The following TMEM144 variants were observed in gnomAD, a reference collection of about 807,000 sequenced individuals.
TMEM144 encodes transmembrane protein 144.
A neutral mutation model predicts 43.6 loss-of-function variants in TMEM144; 39 were observed. The ratio of observed to expected loss-of-function variants is 0.90; its 90% CI spans 0.69 to 1.17. The LOEUF (loss-of-function observed/expected upper bound fraction) is 1.17, where lower values mean the gene tolerates loss of function less well. TMEM144 is among the 50% of genes most tolerant of loss of function. The probability of loss-of-function intolerance (pLI) is 0.00; values close to 1 mark genes in which losing one functional copy is unlikely to be tolerated. For synonymous variants in TMEM144, 154 were observed against 133.6 expected (o/e 1.15, Z -1.06); for missense variants, 417 against 411.9 (o/e 1.01, Z -0.11).
At chr4:158,252,774 C>G (rs1165550434) in intron 12 of TMEM144, among the ~76,000 whole-genome samples, 1 of 148,770 alleles carries the variant, frequency 6.7e-6, no homozygotes, top group Non-Finnish European at 1.5e-5. Context: ...CGCCACTGAA[C>G]TCCAGCCTAG....
intron 6 of TMEM144, among the ~76,000 whole-genome samples, chr4:158,229,960 T>TC (rs553796136): frequency 0.82 from 124,751 of 152,138 alleles, 51,796 homozygotes; most frequent in East Asian, 0.95. Context: ...TGCTGCCCCT[T>TC]CCCCAAGGAG....
chr4:158,226,946 T>C (rs1176063223), intron 6 of TMEM144, among the ~76,000 whole-genome samples: 1 of 152,194 alleles, frequency 6.6e-6, no homozygotes, highest in Non-Finnish European at 1.5e-5. Flanking sequence ...ACTTCTTTTA[T>C]GTCTGTGGGC....
rs1208757446 is a variant in TMEM144 at position 158,241,549 on chromosome 4, T to C, written c.843T>C (p.Cys281=). Residue 281 remains cysteine, a synonymous_variant, in exon 11 of 13, where the codon TGT becomes TGC. Coordinates refer to ENST00000296529, the MANE Select transcript of TMEM144 (RefSeq NM_018342.5). ...SGVLWAIATC[C]WFIANHSLSA... ...TACTTTGGGCTATAGCTACCTGCTG[T>C]TGGTTCATAGCAAATCACTCTCTGA... is the stretch of plus-strand genomic sequence containing the variant. The C allele has an allele frequency of 9.9e-6, 16 of 1,613,940 alleles. No homozygotes were observed. Among genetic ancestry groups the C allele is most frequent in the Non-Finnish European group, 1.2e-5 (14 of 1,179,914 alleles).
Position 158,217,254 on chromosome 4 carries a change from T to G in TMEM144, c.233-67T>G, listed in dbSNP as rs1200829867. 7.8e-6 allele frequency: 9 copies of G among 1,150,068 alleles called. No individual in the cohort carries two copies. The East Asian group carries it at 2.1e-4, about 27-fold the overall frequency. The allele number at this position is 1,150,068 out of a possible 1,614,324, so 71.2% of individuals were successfully genotyped here. On this transcript the variant is annotated intron_variant, in intron 4 of 12. Transcript: ENST00000296529. ...CTTCAGTTGAAGTTAGAATAAAAAC[T>G]AATTCTATTTATAAATGTATTTTCT...
intron 12 of TMEM144, among the ~76,000 whole-genome samples, chr4:158,253,074 C>T (rs1736290392): frequency 1.3e-5 from 2 of 152,162 alleles, no homozygotes; most frequent in South Asian, 4.1e-4. Flanking sequence ...CACTTCCCAC[C>T]CTCCAAACCA....
intron 6 of TMEM144, among the ~76,000 whole-genome samples, chr4:158,230,471 A>G (rs779406332): frequency 7.2e-5 from 11 of 152,140 alleles, no homozygotes; most frequent in Non-Finnish European, 1.5e-4. Context: ...GTTTTCTAAC[A>G]TATCATTCTG....
chr4:158,225,930 A>AT (rs1051938812), intron 6 of TMEM144, among the ~76,000 whole-genome samples: 6 of 152,224 alleles, frequency 3.9e-5, no homozygotes, highest in African/African-American at 1.4e-4. Flanking sequence ...GGCATGACTT[A>AT]TTACTCCAGG....
chr4:158,229,266 G>A (rs1193635291), intron 6 of TMEM144, among the ~76,000 whole-genome samples: 1 of 152,204 alleles, frequency 6.6e-6, no homozygotes, highest in Non-Finnish European at 1.5e-5. Context: ...TAGGGCTGCT[G>A]TGGTTTGCTG....
In TMEM144 at chr4:158,235,300, T is replaced by C. The variant is rs536886728; in HGVS notation, c.496-138T>C. 10 of 802,448 alleles carry C rather than the reference T, an allele frequency of 1.2e-5. No individual in the cohort carries two copies. The East Asian group carries it at 2.2e-4, about 18-fold the overall frequency. The allele number at this position is 802,448 out of a possible 1,614,324, so 49.7% of individuals were successfully genotyped here. On this transcript the variant is annotated intron_variant, in intron 7 of 12. Transcript: ENST00000296529. The stretch of plus-strand genomic sequence containing the variant: ...TTAGAAACAGTTGAGTTTAGAGATA[T>C]CAGAATGCATAGGTGACATGTTTAT...
chr4:158,251,689 G>A (rs1418864831), intron 12 of TMEM144, among the ~76,000 whole-genome samples: 1 of 152,084 alleles, frequency 6.6e-6, no homozygotes, highest in Non-Finnish European at 1.5e-5. Flanking sequence ...ACAGTTCTGG[G>A]ACCACCCATA....
Position 158,253,783 on chromosome 4 carries a change from A to C in TMEM144, c.*256A>C, listed in dbSNP as rs1348173978. The C allele has an allele frequency of 9.0e-6, 4 of 442,178 alleles. No individual in the cohort carries two copies. Among genetic ancestry groups the C allele is most frequent in the South Asian group, 2.4e-5 (1 of 42,000 alleles). The allele number at this position is 442,178 out of a possible 1,614,324, so 27.4% of individuals were successfully genotyped here. A position where few individuals can be genotyped will look rare whatever the true frequency, so the allele number is the denominator to read the frequency against. ...TTTACTGGGTGACTAAAATGTCTAC[A>C]TTATTATAGCATTACATACGAGGAT... On this transcript the variant is annotated 3_prime_UTR_variant, in exon 13 of 13. Transcript: ENST00000296529.
intron 11 of TMEM144, among the ~76,000 whole-genome samples, chr4:158,244,054 C>T (rs1016783335): frequency 2.0e-5 from 3 of 151,534 alleles, no homozygotes; most frequent in Non-Finnish European, 2.9e-5. Context: ...TTATGTGGCA[C>T]AAAATATTAT....
intron 4 of TMEM144, among the ~76,000 whole-genome samples, chr4:158,216,454 T>C (rs915174066): frequency 3.3e-5 from 5 of 152,324 alleles, no homozygotes; most frequent in African/African-American, 1.2e-4. Flanking sequence ...TGGGTTCAGC[T>C]TGGCACTTTC....
chr4:158,217,184 A>T (rs1456174227), intron 4 of TMEM144, 137 bp from the exon 5 acceptor site: 4 of 569,376 alleles, frequency 7.0e-6, no homozygotes, highest in Non-Finnish European at 1.2e-5. Context: ...TTTTACTGAA[A>T]AAATAAGGAA....
intron 10 of TMEM144, 109 bp downstream of exon 10, chr4:158,240,527 T>C: frequency 8.1e-7 from 1 of 1,235,024 alleles, no homozygotes; most frequent in Non-Finnish European, 1.1e-6. Context: ...TGTGTATATG[T>C]GGTGTGTGTG....
At chr4:158,233,039 A>G (rs1260520540) in intron 7 of TMEM144, 57 bp downstream of exon 7, 10 of 1,319,988 alleles carry the variant, frequency 7.6e-6, no homozygotes, top group Non-Finnish European at 1.1e-5. Context: ...ATAAATGGAT[A>G]ATACATAAAT....
intron 11 of TMEM144, 57 bp from the exon 12 acceptor site, chr4:158,244,239 T>C: frequency 7.9e-7 from 1 of 1,266,160 alleles, no homozygotes; most frequent in Non-Finnish European, 1.1e-6. Flanking sequence ...TATATTTATA[T>C]AGAATCTAGT....
At chr4:158,221,398 C>G (rs1358050313) in intron 6 of TMEM144, among the ~76,000 whole-genome samples, 1 of 152,128 alleles carries the variant, frequency 6.6e-6, no homozygotes, top group Non-Finnish European at 1.5e-5. Context: ...GTGCCTCCCC[C>G]TGGCAGAACC....
At chr4:158,250,671 T>C (rs908444686) in intron 12 of TMEM144, among the ~76,000 whole-genome samples, 1 of 152,176 alleles carries the variant, frequency 6.6e-6, no homozygotes, top group African/African-American at 2.4e-5. Context: ...TCCCTAAGCC[T>C]ACACTTTGCA....
Sources: gnomAD v4.1 joint callset for allele counts (sites outside exome capture counted in the v4.1 genomes callset) on GRCh38, gnomAD v4.1.1 for gene constraint, MANE v1.5 for transcripts, NCBI Gene and HGNC (gene_info 2026-07-23, HGNC 2026-07-21) for gene names.